NPHS1: variants seen among roughly 807,000 people sequenced by gnomAD.
NPHS1 encodes nephrin.
Under a neutral mutation model 139.7 loss-of-function variants are expected in NPHS1, and 107 were observed. The observed-to-expected ratio is 0.77, with a 90% CI of 0.66 to 0.90. The LOEUF is 0.90. Among genes scored for constraint, NPHS1 ranks in the 40% least tolerant of loss-of-function variants. The pLI is 0.00. For synonymous variants in NPHS1, 707 were observed against 706.6 expected (o/e 1.00, Z -0.01); for missense variants, 1,580 against 1,654.2 (o/e 0.96, Z 0.78).
chr19:35,840,688 GA>G (rs1973042612), intron 20 of NPHS1, among the ~76,000 whole-genome samples: 1 of 124,786 alleles, frequency 8.0e-6, no homozygotes, highest in South Asian at 2.4e-4. Flanking sequence ...ATCAATACAT[GA>G]TTTTTTTTTT....
intron 11 of NPHS1, 73 bp from the exon 12 acceptor site, chr19:35,846,267 C>A: frequency 1.4e-6 from 2 of 1,472,098 alleles, no homozygotes; most frequent in Non-Finnish European, 1.8e-6. Flanking sequence ...CCCTACCCTG[C>A]CCACTGGGTT....
intron 14 of NPHS1, among the ~76,000 whole-genome samples, 177 bp from the exon 15 acceptor site, chr19:35,844,636 A>T (rs1973109780): frequency 6.6e-6 from 1 of 152,162 alleles, no homozygotes; most frequent in Admixed American, 6.6e-5. Flanking sequence ...TAGAAGTTAG[A>T]ATACAGTTTA....
At position 35,845,378 on chromosome 19, in the gene NPHS1, G is replaced by T. The variant is rs1599843287; in HGVS notation, c.1920C>A (p.Leu640=). ...GGCCGGGGCACATACACAGTACGTT[G>T]AGGCGATAGAAGGAGCTCACGGTTT... is the stretch of plus-strand genomic sequence containing the variant. ...LRETVSSFYR[L]NVLYRPEFLG... is the part of the protein sequence containing the mutation. Residue 640 remains leucine, a synonymous_variant, in exon 14 of 29, where the codon CTC becomes CTA. Coordinates refer to ENST00000378910, the MANE Select transcript of NPHS1 (RefSeq NM_004646.4). This position sits in a 1 kb window ranked among gnomAD's most constrained non-coding sequence, Gnocchi z 5.5. 1 of 1,614,276 alleles carries T rather than the reference G, an allele frequency of 6.2e-7. No homozygotes were observed.
In NPHS1 at chr19:35,850,987, G is replaced by A. The variant is rs386833945; in HGVS notation, c.500C>T (p.Pro167Leu). The change falls in exon 4 of 29, where the codon CCA (proline) becomes CTA (leucine). Residue 167 changes from proline to leucine, a missense_variant. Transcript: ENST00000378910. ...VVNCVSGDAK[P>L]APDITILLSG... The stretch of plus-strand genomic sequence containing the variant: ...CAGGAGAATGGTGATGTCAGGTGCT[G>A]GCTTCGCGTCCCCAGACACACAGTT... The A allele has an allele frequency of 2.5e-6, 4 of 1,614,128 alleles. No individual in the cohort carries two copies. Among genetic ancestry groups the A allele is most frequent in the South Asian group, 2.2e-5 (2 of 91,076 alleles).
In NPHS1 at chr19:35,845,401, T is replaced by C. The variant is rs772763626; in HGVS notation, c.1897A>G (p.Thr633Ala). Residue 633 changes from threonine to alanine, a missense_variant, in exon 14 of 29, where the codon ACC becomes GCC. Coordinates refer to ENST00000378910, the MANE Select transcript of NPHS1 (RefSeq NM_004646.4). This position sits in a 1 kb window ranked among gnomAD's most constrained non-coding sequence, Gnocchi z 5.5. ...TTGAGGCGATAGAAGGAGCTCACGG[T>C]TTCGCGGAGCTCGGCGCTGTGGGCG... is the stretch of plus-strand genomic sequence containing the variant. ...CRAHSAELRE[T>A]VSSFYRLNVL... 16 of 1,614,236 alleles carry C rather than the reference T, an allele frequency of 9.9e-6. No individual in the cohort carries two copies. Among genetic ancestry groups the C allele is most frequent in the Non-Finnish European group, 1.3e-5 (15 of 1,180,050 alleles).
rs376401690 is a variant in NPHS1, at chr19:35,849,015, C to G, written c.973G>C (p.Ala325Pro). The G allele has an allele frequency of 6.2e-7, 1 of 1,612,268 alleles. No individual in the cohort carries two copies. Among genetic ancestry groups the G allele is most frequent in the Non-Finnish European group, 8.5e-7 (1 of 1,180,036 alleles). ...LSCEAHNSVSAGTQEHGITLQ... is the reference protein window; with the variant it reads ...LSCEAHNSVSPGTQEHGITLQ... ...GTGATGCCGTGCTCCTGGGTCCCTG[C>G]AGACACGCTGTTGTGGGCCTCGCAG... The change falls in exon 8 of 29, where the codon GCA becomes CCA. Residue 325 changes from alanine to proline, a missense_variant. Transcript: ENST00000378910.
chr19:35,847,648 G>A (rs553706318), intron 11 of NPHS1, among the ~76,000 whole-genome samples: 1 of 150,506 alleles, frequency 6.6e-6, no homozygotes, highest in Non-Finnish European at 1.5e-5. Flanking sequence ...GAGCCACTGT[G>A]CCCAGCCAAA....
At position 35,831,499 on chromosome 19, in the gene NPHS1, G is replaced by A. The variant is rs779451046; in HGVS notation, c.3288C>T (p.Gly1096=). The change falls in exon 25 of 29, where the codon GGC becomes GGT. Residue 1096 remains glycine (G), a splice_region_variant and synonymous_variant. Coordinates refer to ENST00000378910, the MANE Select transcript of NPHS1 (RefSeq NM_004646.4). ...WQRRLRRLAE[G]ISEKTEAGSE... ...ACCCTGCCTCTGTCTTCTCTGAGATGCCTGAAGGAAACAGGAATAAAGGGC... is the reference window on the plus strand; with the variant it reads ...ACCCTGCCTCTGTCTTCTCTGAGATACCTGAAGGAAACAGGAATAAAGGGC... 7 of 1,613,870 alleles carry A rather than the reference G, an allele frequency of 4.3e-6. No individual in the cohort carries two copies. In the Admixed American group the frequency reaches 1.2e-4, roughly 27 times the overall value.
Position 35,845,920 on chromosome 19 carries a change from C to A in NPHS1, c.1627+88G>T. 1 of 1,525,002 alleles carries A rather than the reference C, an allele frequency of 6.6e-7. No individual in the cohort carries two copies. The highest frequency in any genetic ancestry group is 8.8e-7 in the Non-Finnish European group (1 of 1,132,514). 94.5% of individuals were successfully genotyped at this position (1,525,002 alleles called of 1,614,324 possible). A position where few individuals can be genotyped will look rare whatever the true frequency, so the allele number is the denominator to read the frequency against. ...CCCCCACCCCGCCTCCGCCCGCTTT[C>A]CCCGGGTCCAGGGTTCGCTGGGTCC... On this transcript the variant is annotated intron_variant, in intron 12 of 28. Transcript: ENST00000378910. This position sits in a 1 kb window ranked among gnomAD's most constrained non-coding sequence, Gnocchi z 5.5.
chr19:35,831,503 G>A lies in NPHS1; in HGVS notation c.3287-3C>T. On this transcript the variant is annotated splice_region_variant and splice_polypyrimidine_tract_variant and intron_variant, in intron 24 of 28. Coordinates refer to ENST00000378910, the MANE Select transcript of NPHS1 (RefSeq NM_004646.4). Reference sequence around the variant, plus strand: ...TGCCTCTGTCTTCTCTGAGATGCCTGAAGGAAACAGGAATAAAGGGCTCAG... The same window carrying A: ...TGCCTCTGTCTTCTCTGAGATGCCTAAAGGAAACAGGAATAAAGGGCTCAG... The A allele has an allele frequency of 6.2e-7, 1 of 1,613,880 alleles. No homozygotes were observed. The highest frequency in any genetic ancestry group is 1.1e-5 in the South Asian group (1 of 91,070).
intron 22 of NPHS1, 36 bp from the exon 23 acceptor site, chr19:35,835,797 A>C (rs1972949649): frequency 1.3e-6 from 2 of 1,572,884 alleles, no homozygotes; most frequent in Non-Finnish European, 1.8e-6. Context: ...ACTTAACACT[A>C]AGAATCTGAG....
rs1039281942 is a variant in NPHS1, at chr19:35,852,025, C to G, written c.-188G>C. Among the ~76,000 whole-genome samples the G allele has an allele frequency of 2.0e-5, 3 of 151,984 alleles. No individual in the cohort carries two copies. The highest frequency in any genetic ancestry group is 4.8e-5 in the African/African-American group (2 of 41,382). On this transcript the variant is annotated 5_prime_UTR_variant, in exon 1 of 29. Transcript: ENST00000378910. ...TGTGAGTATCTCTCTCTGTCTTGCT[C>G]TCAGTCTCAATCTCTGAGTCTCTTT...
chr19:35,844,013 C>A, intron 16 of NPHS1, 90 bp downstream of exon 16: 1 of 1,542,840 alleles, frequency 6.5e-7, no homozygotes, highest in Non-Finnish European at 8.8e-7. Flanking sequence ...GGTGGCTATC[C>A]CTGGGTGGGC....
At chr19:35,847,455 A>G (rs1450488916) in intron 11 of NPHS1, among the ~76,000 whole-genome samples, 1 of 146,584 alleles carries the variant, frequency 6.8e-6, no homozygotes, top group African/African-American at 2.6e-5. Flanking sequence ...CCCGGATTCA[A>G]GCAATTCTCC....
chr19:35,831,004 C>T (rs766791755), intron 27 of NPHS1, 48 bp from the exon 28 acceptor site: 31 of 1,600,638 alleles, frequency 1.9e-5, no homozygotes, highest in South Asian at 1.5e-4. Flanking sequence ...CCAGTCCAGG[C>T]GTCGGGGGTA....
chr19:35,837,163 G>T (rs1972979410), intron 22 of NPHS1, among the ~76,000 whole-genome samples: 2 of 152,108 alleles, frequency 1.3e-5, no homozygotes, highest in Admixed American at 1.3e-4. Context: ...AGCAGAGAGG[G>T]GATTTGAACC....
intron 25 of NPHS1, 31 bp from the exon 26 acceptor site, chr19:35,831,402 A>G (rs1189770896): frequency 1.2e-6 from 2 of 1,611,750 alleles, no homozygotes; most frequent in South Asian, 2.2e-5. Flanking sequence ...GGGGAAGTTG[A>G]GTGCTGCCCC....
intron 24 of NPHS1, 28 bp downstream of exon 24, chr19:35,831,615 A>C: frequency 6.2e-7 from 1 of 1,612,086 alleles, no homozygotes; most frequent in Non-Finnish European, 8.5e-7. Context: ...TCGGGTCTCC[A>C]CCCTGGCAGG....
intron 22 of NPHS1, 45 bp downstream of exon 22, chr19:35,839,192 C>T: frequency 6.3e-7 from 1 of 1,580,686 alleles, no homozygotes; most frequent in Non-Finnish European, 8.7e-7. Flanking sequence ...CTACCCTACA[C>T]ATCCTCTGAG....
Sources: allele counts gnomAD v4.1 joint callset (sites outside exome capture counted in the v4.1 genomes callset), GRCh38; gene constraint gnomAD v4.1.1; non-coding constraint Gnocchi (gnomAD v3.1); transcripts MANE v1.5; gene names NCBI Gene and HGNC (gene_info 2026-07-23, HGNC 2026-07-21).